Variants in CTNNA3 observed in about 807,000 individuals in gnomAD.
CTNNA3 encodes the protein catenin alpha-3.
In CTNNA3, 76 loss-of-function variants were observed where a neutral mutation model predicts 95.7. The ratio of observed to expected loss-of-function variants is 0.79; its 90% confidence interval spans 0.66 to 0.96. The LOEUF is 0.96. CTNNA3 is among the 40% of genes least tolerant of loss of function. CTNNA3 has a pLI of 0.00. For synonymous variants in CTNNA3, 431 were observed against 374.4 expected (o/e 1.15, Z -1.74); for missense variants, 1,191 against 1,089.8 (o/e 1.09, Z -1.31).
chr10:67,563,841 C>G (rs1048395169), intron 3 of CTNNA3, among the ~76,000 whole-genome samples: 4 of 150,176 alleles, frequency 2.7e-5, no homozygotes, highest in Admixed American at 2.6e-4. Flanking sequence ...AGGATATGAA[C>G]AGACACTTCT....
intron 9 of CTNNA3, among the ~76,000 whole-genome samples, chr10:66,662,512 T>C (rs1266386673): frequency 6.6e-6 from 1 of 152,138 alleles, no homozygotes; most frequent in African/African-American, 2.4e-5. Flanking sequence ...CATTAACAAA[T>C]AGAAGCAACT....
At chr10:66,541,324 C>T (rs994060544) in intron 10 of CTNNA3, among the ~76,000 whole-genome samples, 1 of 152,108 alleles carries the variant, frequency 6.6e-6, no homozygotes, top group African/African-American at 2.4e-5. Context: ...TTGGCATCTC[C>T]CTGGTGTTTT....
At position 66,928,555 on chromosome 10, in the gene CTNNA3, TTCCCTC is replaced by T. The variant is rs1468674637; in HGVS notation, c.1048-153037_1048-153032del. 6 of 1,056,264 alleles carry T rather than the reference TTCCCTC, an allele frequency of 5.7e-6. No individual in the cohort carries two copies. In the Admixed American group the frequency reaches 1.1e-4, roughly 20 times the overall value. 65.4% of individuals were successfully genotyped at this position (1,056,264 alleles called of 1,614,324 possible). A position where few individuals can be genotyped will look rare whatever the true frequency, so the allele number is the denominator to read the frequency against. ...AGGGAACGCGATGCCCCCCCTCCCC[TTCCCTC>T]TCCCTCTCACTTTGCTGGCAAGATC... On this transcript the variant is annotated intron_variant, in intron 7 of 17. Coordinates refer to ENST00000433211, the MANE Select transcript of CTNNA3 (RefSeq NM_013266.4).
chr10:67,362,716 C>T (rs987906695), intron 5 of CTNNA3, among the ~76,000 whole-genome samples: 1 of 151,752 alleles, frequency 6.6e-6, no homozygotes, highest in African/African-American at 2.4e-5. Flanking sequence ...TGCCCACTCT[C>T]ACTACTCATT....
intron 2 of CTNNA3, among the ~76,000 whole-genome samples, chr10:67,613,920 C>T (rs1477667171): frequency 6.6e-6 from 1 of 152,146 alleles, no homozygotes; most frequent in Non-Finnish European, 1.5e-5. Context: ...CGTGGTCTCG[C>T]TGACTTCAAG....
At chr10:66,042,625 C>G (rs551734259) in intron 15 of CTNNA3, among the ~76,000 whole-genome samples, 1 of 151,910 alleles carries the variant, frequency 6.6e-6, no homozygotes, top group South Asian at 2.1e-4. Flanking sequence ...TACAGCCAGG[C>G]GCAGCAGCTC....
At chr10:67,628,408 C>T (rs1218973152) in intron 2 of CTNNA3, among the ~76,000 whole-genome samples, 2 of 152,020 alleles carry the variant, frequency 1.3e-5, no homozygotes, top group Non-Finnish European at 2.9e-5. Flanking sequence ...AAATGAATGA[C>T]TTTATTTCAC....
At chr10:67,534,100 C>A (rs1277043966) in intron 4 of CTNNA3, among the ~76,000 whole-genome samples, 1 of 150,338 alleles carries the variant, frequency 6.7e-6, no homozygotes, top group Non-Finnish European at 1.5e-5. Flanking sequence ...ATAGTAAAGA[C>A]AAGGAGAAGA....
intron 5 of CTNNA3, among the ~76,000 whole-genome samples, chr10:67,370,980 C>T (rs1267465337): frequency 6.7e-6 from 1 of 149,242 alleles, no homozygotes; most frequent in African/African-American, 2.4e-5. Flanking sequence ...CATTCTCCTG[C>T]CTCAGCCTCC....
chr10:66,717,594 G>A (rs140859635), intron 9 of CTNNA3, among the ~76,000 whole-genome samples: 12 of 152,210 alleles, frequency 7.9e-5, no homozygotes, highest in Non-Finnish European at 1.5e-4. Context: ...GTGGGGACAG[G>A]AGTAGGGGAT....
intron 7 of CTNNA3, among the ~76,000 whole-genome samples, chr10:66,996,743 C>T (rs1010904117): frequency 2.0e-5 from 3 of 146,742 alleles, no homozygotes; most frequent in Non-Finnish European, 4.5e-5. Flanking sequence ...GCTTGCTCAA[C>T]TTATTGGAAA....
intron 10 of CTNNA3, among the ~76,000 whole-genome samples, chr10:66,566,991 G>T (rs1016188135): frequency 1.8e-5 from 2 of 109,620 alleles, no homozygotes; most frequent in Admixed American, 9.3e-5. Context: ...AGGATGGTAG[G>T]GGGAGGGGGA....
intron 11 of CTNNA3, among the ~76,000 whole-genome samples, chr10:66,404,639 C>T (rs1264970777): frequency 6.6e-6 from 1 of 152,130 alleles, no homozygotes; most frequent in South Asian, 2.1e-4. Flanking sequence ...CTTATGAATA[C>T]ATTCACATAA....
At chr10:66,428,628 C>A (rs1249200506) in intron 11 of CTNNA3, among the ~76,000 whole-genome samples, 4 of 142,858 alleles carry the variant, frequency 2.8e-5, no homozygotes, top group Admixed American at 7.2e-5. Flanking sequence ...TACATGGAAA[C>A]TGAACAACCT....
intron 15 of CTNNA3, among the ~76,000 whole-genome samples, chr10:66,064,262 T>G (rs2080269386): frequency 6.6e-6 from 1 of 152,148 alleles, no homozygotes; most frequent in African/African-American, 2.4e-5. Flanking sequence ...GACGCCATGA[T>G]TCAATTGCCT....
In CTNNA3 at chr10:66,046,625, T is replaced by A. The variant is rs187076868; in HGVS notation, c.2159+22683A>T. Among the ~76,000 whole-genome samples, 322 of 151,762 alleles carry A rather than the reference T, an allele frequency of 2.1e-3. 2 individuals carry two copies. Among genetic ancestry groups the A allele is most frequent in the African/African-American group, 6.9e-3 (285 of 41,340 alleles). On this transcript the variant is annotated intron_variant, in intron 15 of 17. Coordinates refer to ENST00000433211, the MANE Select transcript of CTNNA3 (RefSeq NM_013266.4). ...ATAAGAAATAACTAATATCAGAAGT[T>A]AAATGAAGGAAATCAAGACACGCAA...
At chr10:66,404,782 GT>G (rs3998970) in intron 11 of CTNNA3, among the ~76,000 whole-genome samples, 231 of 149,230 alleles carry the variant, frequency 1.5e-3, no homozygotes, top group Middle Eastern at 3.4e-3. Flanking sequence ...TTTCCTGTGG[GT>G]TTTTTTTTTC....
At chr10:66,174,204 C>T (rs1253039030) in intron 13 of CTNNA3, among the ~76,000 whole-genome samples, 1 of 152,114 alleles carries the variant, frequency 6.6e-6, no homozygotes, top group Non-Finnish European at 1.5e-5. Flanking sequence ...GAAGCCTGAT[C>T]CCAAGGCCCA....
intron 15 of CTNNA3, among the ~76,000 whole-genome samples, chr10:66,002,896 C>A (rs1193122360): frequency 6.6e-6 from 1 of 152,206 alleles, no homozygotes; most frequent in Non-Finnish European, 1.5e-5. Flanking sequence ...GTTTTGTGAA[C>A]TCACAGCATT....
Sources: gnomAD v4.1 joint callset for allele counts (sites outside exome capture counted in the v4.1 genomes callset) on GRCh38, gnomAD v4.1.1 for gene constraint, MANE v1.5 for transcripts, NCBI Gene and HGNC (gene_info 2026-07-23, HGNC 2026-07-21) for gene names.